Variants in SAMD5 observed in about 807,000 individuals in gnomAD.
SAMD5 encodes sterile alpha motif domain containing 5.
SAMD5 carries 13 observed loss-of-function variants against 11.3 expected under a neutral mutation model. The observed-to-expected ratio is 1.15, with a 90% CI of 0.75 to 1.83. SAMD5 has a LOEUF of 1.83. Ranked by LOEUF, SAMD5 falls within the 40% of genes most tolerant of loss-of-function variation. The pLI is 0.00. For missense variants in SAMD5, 255 were observed against 239.1 expected (o/e 1.07, Z -0.44); for synonymous variants, 129 against 111.3 (o/e 1.16, Z -1.00).
chr6:147,811,010 G>A, the SAMD5 span, among the ~76,000 whole-genome samples: 1,298 of 152,306 alleles, frequency 8.5e-3, 20 homozygotes, highest in Middle Eastern at 0.041. Flanking sequence ...GGTGCTATGT[G>A]TTGCTTGCTG....
At chr6:147,661,496 A>C (rs1790648006) in intron 1 of SAMD5, among the ~76,000 whole-genome samples, 1 of 152,228 alleles carries the variant, frequency 6.6e-6, no homozygotes, top group South Asian at 2.1e-4. Context: ...CCCCCAAATT[A>C]TTAGTCACTC....
the SAMD5 span, among the ~76,000 whole-genome samples, chr6:147,888,002 G>T: frequency 6.6e-6 from 1 of 151,998 alleles, no homozygotes; most frequent in Non-Finnish European, 1.5e-5. Flanking sequence ...TTTTATATTG[G>T]ATTGTTTTTA....
Position 147,536,001 on chromosome 6 carries a change from T to G in SAMD5, c.459+26614T>G, listed in dbSNP as rs557242858. Among the ~76,000 whole-genome samples, 4 of 152,052 alleles carry G rather than the reference T, an allele frequency of 2.6e-5. No homozygotes were observed. In the South Asian group the frequency reaches 8.3e-4, roughly 32 times the overall value. On this transcript the variant is annotated intron_variant, in intron 1 of 1. Coordinates refer to ENST00000367474, the MANE Select transcript of SAMD5 (RefSeq NM_001030060.3). ...AAAATAACCAAGTTTTTTTTTTTTT[T>G]GAGACGGACTCTCGCTCTGTTGCCC...
chr6:147,619,431 TGCAGATACTCATGAGGCAGATAC>T lies in SAMD5; in HGVS notation c.162+110067_162+110089del, dbSNP rs375943177. On this transcript the variant is annotated intron_variant, in intron 1 of 1. Transcript: ENST00000566741. ...GTTTGTATAAGATCCATGGCAGATA[TGCAGATACTCATGAGGCAGATAC>T]GCAGATACTCATGAGGCAGATATGT... Among the ~76,000 whole-genome samples, 943 of 152,298 alleles carry T rather than the reference TGCAGATACTCATGAGGCAGATAC, an allele frequency of 6.2e-3. 3 individuals carry two copies. Among genetic ancestry groups the T allele is most frequent in the Middle Eastern group, 0.024 (7 of 294 alleles).
rs529373042 is a variant in SAMD5, at chr6:147,686,208, A to G, written c.163-51109A>G. Among the ~76,000 whole-genome samples the G allele has an allele frequency of 8.5e-4, 129 of 152,286 alleles. No individual in the cohort carries two copies. The Middle Eastern group carries it at 0.02, about 24-fold the overall frequency. ...TATTGGAATTAGTATTTCTTTGGTC[A>G]TATATTGCAGGCATCTTCTCTGACT... On this transcript the variant is annotated intron_variant, in intron 1 of 1. Transcript: ENST00000566741.
At chr6:147,517,378 G>A (rs184253459) in intron 1 of SAMD5, among the ~76,000 whole-genome samples, 47 of 152,246 alleles carry the variant, frequency 3.1e-4, no homozygotes, top group Admixed American at 2.7e-3. Context: ...GCGCTCACCT[G>A]TGGTAGCTCT....
chr6:147,861,422 T>C, the SAMD5 span, among the ~76,000 whole-genome samples: 1 of 152,112 alleles, frequency 6.6e-6, no homozygotes, highest in Non-Finnish European at 1.5e-5. Flanking sequence ...CGCCTCGGCC[T>C]CCCAAAGTGC....
the SAMD5 span, among the ~76,000 whole-genome samples, chr6:147,838,536 C>CCCCG: frequency 2.1e-5 from 3 of 143,822 alleles, no homozygotes; most frequent in Non-Finnish European, 4.6e-5. Flanking sequence ...ATCCTGCCCC[C>CCCCG]CCCCCGTAGT....
At chr6:147,763,276 C>T in the SAMD5 span, among the ~76,000 whole-genome samples, 1 of 152,084 alleles carries the variant, frequency 6.6e-6, no homozygotes, top group Non-Finnish European at 1.5e-5. Context: ...TCTTCTGCCT[C>T]AGCCTCCTGA....
downstream of SAMD5, among the ~76,000 whole-genome samples, chr6:147,742,412 G>A (rs1422844196): frequency 1.3e-5 from 2 of 152,150 alleles, no homozygotes; most frequent in African/African-American, 4.8e-5. Flanking sequence ...ATCTTCGCGT[G>A]ACCTGCGTGT....
At chr6:147,922,155 G>T in the SAMD5 span, among the ~76,000 whole-genome samples, 1 of 152,186 alleles carries the variant, frequency 6.6e-6, no homozygotes, top group Non-Finnish European at 1.5e-5. Flanking sequence ...CCCAGGGCCC[G>T]TGTGTGTCTC....
At chr6:147,570,557 A>G (rs937152207), downstream of SAMD5, among the ~76,000 whole-genome samples, 1 of 152,186 alleles carries the variant, frequency 6.6e-6, no homozygotes. Flanking sequence ...TGCTTAACAC[A>G]GTCACCAGTC....
intron 1 of SAMD5, among the ~76,000 whole-genome samples, chr6:147,554,566 G>A (rs1788824544): frequency 6.6e-6 from 1 of 152,054 alleles, no homozygotes; most frequent in African/African-American, 2.4e-5. Flanking sequence ...AGGCTGGCAA[G>A]CACAGTCCTT....
chr6:147,844,378 G>A, the SAMD5 span, among the ~76,000 whole-genome samples: 3,755 of 152,220 alleles, frequency 0.025, 170 homozygotes, highest in African/African-American at 0.087. Context: ...GGGAATCTTT[G>A]TGCACTGTTT....
At chr6:147,761,916 T>C in the SAMD5 span, among the ~76,000 whole-genome samples, 18 of 152,260 alleles carry the variant, frequency 1.2e-4, no homozygotes, top group Non-Finnish European at 2.4e-4. Flanking sequence ...TTTCACCATA[T>C]TGGTCAGGCT....
chr6:147,726,641 G>T (rs1345335213), intron 1 of SAMD5, among the ~76,000 whole-genome samples: 1 of 152,180 alleles, frequency 6.6e-6, no homozygotes, highest in East Asian at 1.9e-4. Context: ...GGACTTTGTG[G>T]CTCAATACTC....
chr6:147,556,590 A>T (rs1445109748), intron 1 of SAMD5, among the ~76,000 whole-genome samples: 1 of 152,196 alleles, frequency 6.6e-6, no homozygotes, highest in East Asian at 1.9e-4. Flanking sequence ...TCTCAAGTGG[A>T]GGTTTCTGAG....
At chr6:147,913,867 A>ATT in the SAMD5 span, among the ~76,000 whole-genome samples, 1 of 152,254 alleles carries the variant, frequency 6.6e-6, no homozygotes, top group African/African-American at 2.4e-5. Flanking sequence ...ATGTGTAAGC[A>ATT]AGTGTGTGGG....
intron 1 of SAMD5, among the ~76,000 whole-genome samples, chr6:147,579,454 ATTTTTTTT>A (rs3031353): frequency 1.2e-4 from 9 of 76,918 alleles, no homozygotes; most frequent in Admixed American, 7.8e-4. Flanking sequence ...CAGGCTTTGA[ATTTTTTTT>A]TTTTTTTTTT....
Sources: gnomAD v4.1 joint callset for allele counts (sites outside exome capture counted in the v4.1 genomes callset) on GRCh38, gnomAD v4.1.1 for gene constraint, MANE v1.5 for transcripts, NCBI Gene and HGNC (gene_info 2026-07-23, HGNC 2026-07-21) for gene names.